LRRC31: variants seen among roughly 807,000 people sequenced by gnomAD.
The protein encoded by LRRC31 is leucine rich repeat containing 31.
Under a neutral mutation model 46.7 loss-of-function variants are expected in LRRC31, and 35 were observed. The observed-to-expected ratio is 0.75, with a 90% CI of 0.57 to 0.99. The LOEUF is 0.99. LRRC31 is among the 50% of genes least tolerant of loss of function. The pLI is 0.00. For synonymous variants in LRRC31, 236 were observed against 235.1 expected, an observed-to-expected ratio of 1.00 and a Z score of -0.03; for missense variants, 613 against 626.1, an observed-to-expected ratio of 0.98 and a Z score of 0.22.
chr3:169,840,676 G>C (rs1780422164), intron 8 of LRRC31, among the ~76,000 whole-genome samples: 1 of 152,084 alleles, frequency 6.6e-6, no homozygotes, highest in Non-Finnish European at 1.5e-5. Context: ...TCATCTTGCT[G>C]CTTTAATTGT....
intron 8 of LRRC31, among the ~76,000 whole-genome samples, chr3:169,841,766 G>C (rs913575521): frequency 3.9e-5 from 6 of 151,994 alleles, no homozygotes; most frequent in Admixed American, 2.0e-4. Flanking sequence ...CACATTTTAG[G>C]CTGGGTGTGG....
intron 8 of LRRC31, among the ~76,000 whole-genome samples, chr3:169,842,551 A>T (rs1780484076): frequency 6.6e-6 from 1 of 152,042 alleles, no homozygotes; most frequent in African/African-American, 2.4e-5. Flanking sequence ...GGGTTTCACC[A>T]TGTTGGCCAG....
intron 8 of LRRC31, among the ~76,000 whole-genome samples, chr3:169,840,758 C>T (rs1271303803): frequency 6.6e-6 from 1 of 152,164 alleles, no homozygotes; most frequent in Non-Finnish European, 1.5e-5. Flanking sequence ...GCAGAACATA[C>T]CTGGATAATT....
At chr3:169,860,811 G>C in intron 2 of LRRC31, 83 bp from the exon 3 acceptor site, 1 of 1,394,076 alleles carries the variant, frequency 7.2e-7, no homozygotes, top group East Asian at 2.4e-5. Flanking sequence ...TACATACACA[G>C]GATATAGTTT....
In LRRC31 at chr3:169,856,496, C is replaced by T; in HGVS notation, c.663G>A (p.Leu221=). 6.3e-7 allele frequency: 1 copy of T among 1,593,968 alleles called. No homozygotes were observed. Among genetic ancestry groups the T allele is most frequent in the Non-Finnish European group, 8.5e-7 (1 of 1,171,430 alleles). Residue 221 remains leucine (L), a synonymous_variant, in exon 5 of 9, where the codon CTG becomes CTA. Transcript: ENST00000316428. ...TSEDGTFLGQ[L]LPMLQSLEVL... ...CTTCGAGACTTTGCAGCATAGGTAG[C>T]AGTTGACCTAGAAGGAAAGAAATCC... is the stretch of plus-strand genomic sequence containing the variant.
At chr3:169,852,422 A>AAC (rs1553924480) in intron 6 of LRRC31, among the ~76,000 whole-genome samples, 2 of 139,250 alleles carry the variant, frequency 1.4e-5, no homozygotes, top group African/African-American at 5.7e-5. Context: ...AAAAAAAAAA[A>AAC]AAAAAAAAAC....
intron 3 of LRRC31, 119 bp downstream of exon 3, chr3:169,860,442 G>C: frequency 9.8e-7 from 1 of 1,023,542 alleles, no homozygotes; most frequent in Non-Finnish European, 1.5e-6. Context: ...TGCCCAGGCT[G>C]TTCTCGAACT....
chr3:169,858,937 C>T (rs376002617), intron 3 of LRRC31, among the ~76,000 whole-genome samples: 14 of 119,238 alleles, frequency 1.2e-4, no homozygotes, highest in East Asian at 5.6e-4. Flanking sequence ...ACTCAGGAGG[C>T]GGAGGTTTCA....
chr3:169,860,954 A>G (rs1235880060), intron 2 of LRRC31, among the ~76,000 whole-genome samples: 1 of 152,204 alleles, frequency 6.6e-6, no homozygotes, highest in Non-Finnish European at 1.5e-5. Context: ...TCTGCCAAAT[A>G]ACTGCAGTCT....
intron 8 of LRRC31, among the ~76,000 whole-genome samples, chr3:169,842,577 C>T (rs764700163): frequency 5.3e-5 from 8 of 152,176 alleles, no homozygotes; most frequent in Non-Finnish European, 8.8e-5. Flanking sequence ...TCTCGAACTC[C>T]TGACCTCAGG....
At chr3:169,846,097 C>G (rs1285818847) in intron 8 of LRRC31, among the ~76,000 whole-genome samples, 1 of 152,152 alleles carries the variant, frequency 6.6e-6, no homozygotes, top group Non-Finnish European at 1.5e-5. Context: ...TGAAAATACA[C>G]ACATAAAAAG....
chr3:169,857,888 C>A (rs971513345), intron 3 of LRRC31, among the ~76,000 whole-genome samples: 2 of 152,052 alleles, frequency 1.3e-5, no homozygotes, highest in Non-Finnish European at 2.9e-5. Flanking sequence ...GCATCTTAAG[C>A]CAGCAATGAA....
intron 6 of LRRC31, among the ~76,000 whole-genome samples, chr3:169,852,164 T>C (rs1364428322): frequency 4.0e-5 from 6 of 151,044 alleles, no homozygotes; most frequent in Non-Finnish European, 7.4e-5. Context: ...TTTGGGAGGC[T>C]GAGGCGGGTG....
At chr3:169,857,401 C>CATATAT (rs1322526510) in intron 3 of LRRC31, among the ~76,000 whole-genome samples, 3 of 78,292 alleles carry the variant, frequency 3.8e-5, no homozygotes, top group African/African-American at 1.5e-4. Context: ...TACATACACA[C>CATATAT]ACATATACAT....
intron 8 of LRRC31, among the ~76,000 whole-genome samples, chr3:169,845,877 A>T (rs1455409662): frequency 1.3e-5 from 2 of 152,180 alleles, no homozygotes; most frequent in African/African-American, 2.4e-5. Flanking sequence ...GAAAGCTTTG[A>T]TCTGCAAAAA....
intron 6 of LRRC31, among the ~76,000 whole-genome samples, chr3:169,852,705 A>G (rs1442732241): frequency 6.6e-6 from 1 of 152,156 alleles, no homozygotes; most frequent in East Asian, 1.9e-4. Context: ...CCCAACTATT[A>G]CCAAGGCAGA....
intron 1 of LRRC31, among the ~76,000 whole-genome samples, chr3:169,868,264 C>G (rs1781390531): frequency 6.6e-6 from 1 of 152,192 alleles, no homozygotes; most frequent in Non-Finnish European, 1.5e-5. Context: ...GTATCTAAAG[C>G]CTTTGCATGT....
intron 8 of LRRC31, among the ~76,000 whole-genome samples, chr3:169,842,554 T>C (rs543908764): frequency 6.6e-6 from 1 of 152,194 alleles, no homozygotes; most frequent in African/African-American, 2.4e-5. Context: ...TTTCACCATG[T>C]TGGCCAGGCT....
intron 7 of LRRC31, among the ~76,000 whole-genome samples, chr3:169,850,098 C>T (rs1026613851): frequency 1.3e-5 from 2 of 152,038 alleles, no homozygotes; most frequent in African/African-American, 4.8e-5. Flanking sequence ...GTTGGCACTT[C>T]CTTAAAAATG....
Sources: gnomAD v4.1 joint callset for allele counts (sites outside exome capture counted in the v4.1 genomes callset) on GRCh38, gnomAD v4.1.1 for gene constraint, MANE v1.5 for transcripts, NCBI Gene and HGNC (gene_info 2026-07-23, HGNC 2026-07-21) for gene names.